The following HOMER1 variants were observed in gnomAD, a reference collection of about 807,000 sequenced individuals.
HOMER1 encodes the protein homer scaffold protein 1, also known as homer protein homolog 1.
HOMER1 carries 3 observed loss-of-function variants against 48.9 expected under a neutral mutation model. That is an observed-to-expected ratio of 0.06 (90% confidence interval 0.03 to 0.16). HOMER1 has a LOEUF of 0.16. HOMER1 is among the 10% of genes least tolerant of loss of function. The probability of loss-of-function intolerance (pLI) is 1.00; values close to 1 mark genes in which losing one functional copy is unlikely to be tolerated. For synonymous variants in HOMER1, 134 were observed against 146.4 expected (o/e 0.92, Z 0.61); for missense variants, 247 against 411.4 (o/e 0.60, Z 3.46).
intron 1 of HOMER1, among the ~76,000 whole-genome samples, chr5:79,459,967 T>C (rs1372480793): frequency 6.6e-6 from 1 of 152,200 alleles, no homozygotes; most frequent in Non-Finnish European, 1.5e-5. Context: ...TGAGGGTGTC[T>C]ACTGAAAGCT....
chr5:79,473,368 T>A (rs1751674243), intron 1 of HOMER1, among the ~76,000 whole-genome samples: 1 of 152,214 alleles, frequency 6.6e-6, no homozygotes, highest in African/African-American at 2.4e-5. Context: ...TAGTGTATTT[T>A]ATGTGTGGCC....
intron 8 of HOMER1, among the ~76,000 whole-genome samples, chr5:79,379,465 ATT>A (rs947234877): frequency 8.8e-6 from 1 of 113,516 alleles, no homozygotes; most frequent in Non-Finnish European, 1.7e-5. Context: ...TATAATATAT[ATT>A]TTATATATAA....
At chr5:79,379,117 AT>A (rs1309496383) in intron 8 of HOMER1, among the ~76,000 whole-genome samples, 76 of 81,340 alleles carry the variant, frequency 9.3e-4, no homozygotes, top group Non-Finnish European at 1.5e-3. Flanking sequence ...TATATATAAA[AT>A]ATATAAATAT....
chr5:79,441,030 G>A (rs965681842), intron 4 of HOMER1, among the ~76,000 whole-genome samples: 2 of 152,208 alleles, frequency 1.3e-5, no homozygotes, highest in Middle Eastern at 3.4e-3. Flanking sequence ...CATGATGGCA[G>A]GTGCCTGTAG....
chr5:79,455,991 C>A (rs1014027601), intron 2 of HOMER1, among the ~76,000 whole-genome samples: 1 of 151,914 alleles, frequency 6.6e-6, no homozygotes, highest in Non-Finnish European at 1.5e-5. Flanking sequence ...CCTGTCTCTA[C>A]TAAAAATACA....
chr5:79,381,853 C>T (rs7728499), intron 8 of HOMER1, among the ~76,000 whole-genome samples: 32,097 of 151,188 alleles, frequency 0.21, 4,503 homozygotes, highest in East Asian at 0.45. Context: ...CCACTGCGCT[C>T]CAGCCTGGGC....
At chr5:79,468,592 A>G (rs527701710) in intron 1 of HOMER1, among the ~76,000 whole-genome samples, 14 of 152,344 alleles carry the variant, frequency 9.2e-5, no homozygotes, top group Admixed American at 9.2e-4. Context: ...GTTGGACTAG[A>G]CAATATTTTC....
At chr5:79,439,753 T>A (rs928634740) in intron 4 of HOMER1, among the ~76,000 whole-genome samples, 13 of 152,222 alleles carry the variant, frequency 8.5e-5, no homozygotes, top group African/African-American at 3.1e-4. Context: ...CTGGTACTCA[T>A]AGTGGGATTA....
chr5:79,492,905 GTCTT>G (rs1427962679), intron 1 of HOMER1, among the ~76,000 whole-genome samples: 2 of 83,800 alleles, frequency 2.4e-5, no homozygotes, highest in African/African-American at 9.0e-5. Context: ...CGAAAACTTT[GTCTT>G]TTTTTTTTTT....
At chr5:79,470,172 A>G (rs1224411848) in intron 1 of HOMER1, among the ~76,000 whole-genome samples, 3 of 152,206 alleles carry the variant, frequency 2.0e-5, no homozygotes. Context: ...ATAAACGGGC[A>G]TCTTAACAAG....
At position 79,374,896 on chromosome 5, in the gene HOMER1, T is replaced by C. The variant is rs1232158280; in HGVS notation, c.*1113A>G. The stretch of plus-strand genomic sequence containing the variant: ...TTGCCTTGTGAGGTTTGAATCAAGA[T>C]GTGATTGATGTGTAGAGCCAGATAG... On this transcript the variant is annotated 3_prime_UTR_variant, in exon 9 of 9. Coordinates refer to ENST00000334082, the MANE Select transcript of HOMER1 (RefSeq NM_004272.5). The C allele has an allele frequency of 1.3e-5, 2 of 152,094 alleles. No individual in the cohort carries two copies. Among genetic ancestry groups the C allele is most frequent in the African/African-American group, 4.8e-5 (2 of 41,448 alleles). The allele number at this position is 152,094 out of a possible 1,614,324, so 9.4% of individuals were successfully genotyped here. A position where few individuals can be genotyped will look rare whatever the true frequency, so the allele number is the denominator to read the frequency against.
chr5:79,379,079 C>CATATATATATATATATAT (rs3082000), intron 8 of HOMER1, among the ~76,000 whole-genome samples: 8 of 55,212 alleles, frequency 1.4e-4, no homozygotes, highest in African/African-American at 3.4e-4. Flanking sequence ...ACCTTTTGTC[C>CATATATATATATATATAT]ATATATATAT....
chr5:79,420,461 C>G (rs1750065891), intron 5 of HOMER1, among the ~76,000 whole-genome samples: 1 of 152,168 alleles, frequency 6.6e-6, no homozygotes, highest in Non-Finnish European at 1.5e-5. Flanking sequence ...AAGGAGCCTA[C>G]TTTCATGATC....
rs10527802 is a variant in HOMER1, at chr5:79,491,075, C to CAAAAAAAAAAAAAAAA, written c.5+21679_5+21694dup. Among the ~76,000 whole-genome samples the CAAAAAAAAAAAAAAAA allele has an allele frequency of 2.1e-4, 8 of 37,250 alleles. 1 individual carries two copies. The highest frequency in any genetic ancestry group is 7.5e-4 in the Admixed American group (2 of 2,650). The allele number at this position is 37,250 out of a possible 152,430, so 24.4% of individuals were successfully genotyped here. ...TTTTTGGCCTTCAGTAGTACCAAAG[C>CAAAAAAAAAAAAAAAA]AAAAAAAAAAAAAAAAAAAAAAAAA... is the stretch of plus-strand genomic sequence containing the variant. On this transcript the variant is annotated intron_variant, in intron 1 of 8. Coordinates refer to ENST00000334082, the MANE Select transcript of HOMER1 (RefSeq NM_004272.5).
intron 6 of HOMER1, among the ~76,000 whole-genome samples, chr5:79,398,644 T>C (rs1749457781): frequency 6.6e-6 from 1 of 152,180 alleles, no homozygotes; most frequent in South Asian, 2.1e-4. Flanking sequence ...GATTCATCTT[T>C]CATTCCTGTG....
At chr5:79,425,070 T>C (rs1750204576) in intron 5 of HOMER1, among the ~76,000 whole-genome samples, 1 of 152,034 alleles carries the variant, frequency 6.6e-6, no homozygotes, top group African/African-American at 2.4e-5. Flanking sequence ...ATTGGGTCTT[T>C]TTAAATTTTC....
At chr5:79,378,296 T>C (rs1047713321) in intron 8 of HOMER1, among the ~76,000 whole-genome samples, 47 of 150,312 alleles carry the variant, frequency 3.1e-4, no homozygotes, top group African/African-American at 1.1e-3. Flanking sequence ...TCTTTGTCAG[T>C]GGTTTGACAA....
Position 79,375,967 on chromosome 5 carries a change from C to A in HOMER1, c.*42G>T. 3 of 1,205,624 alleles carry A rather than the reference C, an allele frequency of 2.5e-6. No homozygotes were observed. Among genetic ancestry groups the A allele is most frequent in the Non-Finnish European group, 2.4e-6 (2 of 848,484 alleles). 74.7% of individuals were successfully genotyped at this position (1,205,624 alleles called of 1,614,324 possible). A position where few individuals can be genotyped will look rare whatever the true frequency, so the allele number is the denominator to read the frequency against. On this transcript the variant is annotated 3_prime_UTR_variant, in exon 9 of 9. Transcript: ENST00000334082. The stretch of plus-strand genomic sequence containing the variant: ...GCCTAAACAGTCCTATGAAGAGAGA[C>A]AGTGTATCTTTTAATTAATTGGCAC...
chr5:79,379,376 A>C lies in HOMER1; in HGVS notation c.877-3179T>G, dbSNP rs950982187. On this transcript the variant is annotated intron_variant, in intron 8 of 8. Transcript: ENST00000334082. ...ATTATATAAATATTTATATATATTT[A>C]TATATTTTATATATTATATAAATAT... is the stretch of plus-strand genomic sequence containing the variant. Among the ~76,000 whole-genome samples the C allele has an allele frequency of 1.5e-3, 172 of 113,534 alleles. 1 individual carries two copies. Among genetic ancestry groups the C allele is most frequent in the African/African-American group, 6.0e-3 (168 of 27,814 alleles). 74.5% of individuals were successfully genotyped at this position (113,534 alleles called of 152,430 possible).
Sources: gnomAD v4.1 joint callset for allele counts (sites outside exome capture counted in the v4.1 genomes callset) on GRCh38, gnomAD v4.1.1 for gene constraint, MANE v1.5 for transcripts, NCBI Gene and HGNC (gene_info 2026-07-23, HGNC 2026-07-21) for gene names.